Variants in IQANK1 observed in about 807,000 individuals in gnomAD.
IQANK1 encodes the protein IQ motif and ankyrin repeat containing 1, also known as IQ motif and ankyrin repeat domain-containing protein 1.
IQANK1 carries 30 observed loss-of-function variants against 22.6 expected under a neutral mutation model. That is an observed-to-expected ratio of 1.33 (90% confidence interval 0.99 to 1.80). The LOEUF is 1.80. Among genes scored for constraint, IQANK1 ranks in the 40% most tolerant of loss-of-function variants. The probability of loss-of-function intolerance (pLI) is 0.00; values close to 1 mark genes in which losing one functional copy is unlikely to be tolerated. For synonymous variants in IQANK1, 122 were observed against 99.6 expected (o/e 1.23, Z -1.34); for missense variants, 275 against 235.2 (o/e 1.17, Z -1.11).
chr8:143,784,293 G>A (rs1469845397), intron 7 of IQANK1, among the ~76,000 whole-genome samples: 1 of 152,122 alleles, frequency 6.6e-6, no homozygotes, highest in East Asian at 1.9e-4. Flanking sequence ...ACAATAGTGA[G>A]TTCTCATGAG....
chr8:143,762,495 C>T (rs2129879294), intron 3 of IQANK1, among the ~76,000 whole-genome samples: 1 of 152,282 alleles, frequency 6.6e-6, no homozygotes, highest in Admixed American at 6.5e-5. Context: ...CTTCCAAAAG[C>T]TTCCCAGGTC....
chr8:143,782,811 TC>T (rs1192179764), intron 7 of IQANK1, among the ~76,000 whole-genome samples: 2 of 152,198 alleles, frequency 1.3e-5, no homozygotes, highest in African/African-American at 4.8e-5. Context: ...AAATCATCCC[TC>T]CTTTATTCAT....
chr8:143,739,993 CT>C, intron 3 of IQANK1, 45 bp downstream of exon 3: 4 of 667,950 alleles, frequency 6.0e-6, no homozygotes, highest in Non-Finnish European at 1.1e-5. Context: ...ACCGGGTGAG[CT>C]GTTGGCAGGG....
At chr8:143,777,529 AAAAAAAAAAAC>A (rs1819711616) in intron 7 of IQANK1, among the ~76,000 whole-genome samples, 1 of 150,898 alleles carries the variant, frequency 6.6e-6, no homozygotes, top group Admixed American at 6.6e-5. Flanking sequence ...TTAAAAAAAA[AAAAAAAAAAAC>A]AAACCACTAA....
At chr8:143,747,977 T>TC (rs1478933242) in intron 3 of IQANK1, among the ~76,000 whole-genome samples, 10 of 140,040 alleles carry the variant, frequency 7.1e-5, no homozygotes, top group African/African-American at 2.9e-4. Flanking sequence ...CCTTTCCCTT[T>TC]CCTTTCCCTT....
intron 3 of IQANK1, chr8:143,742,465 G>C: frequency 2.2e-6 from 1 of 456,044 alleles, no homozygotes. Flanking sequence ...CGAATGCGAT[G>C]TAGACACTTG....
chr8:143,734,940 G>T (rs965673699), intron 1 of IQANK1, among the ~76,000 whole-genome samples: 3 of 150,980 alleles, frequency 2.0e-5, no homozygotes, highest in Non-Finnish European at 4.4e-5. Flanking sequence ...CTTAGGCCCT[G>T]CCCTACACTG....
At chr8:143,772,283 C>CG in intron 6 of IQANK1, 40 bp downstream of exon 6, 1 of 398,046 alleles carries the variant, frequency 2.5e-6, no homozygotes, top group Middle Eastern at 6.3e-4. Context: ...CTGAGGGGCG[C>CG]GGTCCAGGGC....
chr8:143,740,495 C>T (rs1818878163), intron 3 of IQANK1, among the ~76,000 whole-genome samples: 1 of 152,252 alleles, frequency 6.6e-6, no homozygotes, highest in Non-Finnish European at 1.5e-5. Context: ...TCTCCACGCA[C>T]CCGCTGCCTC....
In IQANK1 at chr8:143,789,222, G is replaced by A; in HGVS notation, c.972G>A (p.Glu324=). The A allele has an allele frequency of 7.5e-6, 3 of 399,582 alleles. No individual in the cohort carries two copies. The highest frequency in any genetic ancestry group is 6.3e-4 in the Middle Eastern group (1 of 1,592). 24.8% of individuals were successfully genotyped at this position (399,582 alleles called of 1,614,324 possible). ...TCAAGGTCCAACAGCTGACCAGGGA[G>A]CAGCAGCAGTGTCACAAGGAGGTGA... ...MTLKVQQLTR[E]QQQCHKELQQ... Residue 324 remains glutamate, a synonymous_variant, in exon 9 of 14, where the codon GAG becomes GAA. Coordinates refer to ENST00000527139, the MANE Select transcript of IQANK1 (RefSeq NM_001381874.1).
intron 3 of IQANK1, among the ~76,000 whole-genome samples, chr8:143,754,309 G>A (rs10104079): frequency 0.11 from 16,960 of 152,184 alleles, 3,141 homozygotes; most frequent in African/African-American, 0.38. Context: ...TCATTCGGCC[G>A]TATCCGTGGG....
intron 2 of IQANK1, among the ~76,000 whole-genome samples, chr8:143,737,708 A>G (rs1554625857): frequency 6.6e-6 from 1 of 152,176 alleles, no homozygotes; most frequent in African/African-American, 2.4e-5. Flanking sequence ...GGCCACGGCC[A>G]GCTGCAGCCC....
intron 3 of IQANK1, among the ~76,000 whole-genome samples, chr8:143,769,095 C>T (rs117526093): frequency 0.013 from 1,963 of 152,214 alleles, 28 homozygotes; most frequent in Middle Eastern, 0.031. Context: ...CAGGGTCTCG[C>T]TCTGTTGTCC....
intron 2 of IQANK1, chr8:143,739,644 G>A: frequency 2.3e-6 from 1 of 442,468 alleles, no homozygotes; most frequent in Non-Finnish European, 4.0e-6. Flanking sequence ...TCTCGCCTGT[G>A]CCTCCCTGAG....
intron 2 of IQANK1, among the ~76,000 whole-genome samples, chr8:143,737,167 C>T (rs545707936): frequency 1.2e-4 from 18 of 152,346 alleles, no homozygotes; most frequent in East Asian, 1.9e-4. Flanking sequence ...ATGCTGCTTC[C>T]GCAATCTCTA....
At chr8:143,778,068 G>A (rs782210106) in intron 7 of IQANK1, among the ~76,000 whole-genome samples, 7 of 152,112 alleles carry the variant, frequency 4.6e-5, no homozygotes, top group Admixed American at 2.6e-4. Context: ...CGTAGCGGGC[G>A]CCTGTAGTCC....
At chr8:143,772,628 C>CTG (rs10670935) in intron 7 of IQANK1, 146 bp downstream of exon 7, 9,423 of 397,666 alleles carry the variant, frequency 0.024, 593 homozygotes, top group African/African-American at 0.15. Flanking sequence ...ACCCGACCGG[C>CTG]TGTCTCTGAA....
At chr8:143,766,014 T>A (rs1329194569) in intron 3 of IQANK1, among the ~76,000 whole-genome samples, 1 of 152,158 alleles carries the variant, frequency 6.6e-6, no homozygotes, top group African/African-American at 2.4e-5. Context: ...TCTGCTGACG[T>A]GGGTGTTCTG....
At chr8:143,766,174 A>G (rs1213602052) in intron 3 of IQANK1, among the ~76,000 whole-genome samples, 7 of 152,120 alleles carry the variant, frequency 4.6e-5, no homozygotes, top group African/African-American at 1.7e-4. Context: ...ATTTCCATAT[A>G]TTTATTGGCC....
Sources: allele counts gnomAD v4.1 joint callset (sites outside exome capture counted in the v4.1 genomes callset), GRCh38; gene constraint gnomAD v4.1.1; transcripts MANE v1.5; gene names NCBI Gene and HGNC (gene_info 2026-07-23, HGNC 2026-07-21).